TMEM17: variants seen among roughly 807,000 people sequenced by gnomAD.
The protein encoded by TMEM17 is transmembrane protein 17.
In TMEM17, 15 loss-of-function variants were observed where a neutral mutation model predicts 19.1. The ratio of observed to expected loss-of-function variants is 0.78; its 90% CI spans 0.52 to 1.21. TMEM17 has a LOEUF of 1.21. Among genes scored for constraint, TMEM17 ranks in the 50% most tolerant of loss-of-function variants. The pLI is 0.00. For missense variants in TMEM17, 245 were observed against 242.3 expected (o/e 1.01, Z -0.07); for synonymous variants, 103 against 86.9 (o/e 1.19, Z -1.03).
the TMEM17 span, among the ~76,000 whole-genome samples, chr2:62,471,045 C>G: frequency 6.6e-6 from 1 of 152,224 alleles, no homozygotes; most frequent in Non-Finnish European, 1.5e-5. Context: ...AGCTCAGCCT[C>G]TCTCCAGATG....
In TMEM17 at chr2:62,506,161, A is replaced by G; in HGVS notation, c.-32T>C. ...GCCTCAGTATCCCTCACCCCCTCAG[A>G]CACGGGCTAGTCTGCGGGCGCTCCG... On this transcript the variant is annotated 5_prime_UTR_variant, in exon 1 of 4. Coordinates refer to ENST00000335390, the MANE Select transcript of TMEM17 (RefSeq NM_198276.3). 3 of 1,570,172 alleles carry G rather than the reference A, an allele frequency of 1.9e-6. No individual in the cohort carries two copies. Among genetic ancestry groups the G allele is most frequent in the Non-Finnish European group, 2.6e-6 (3 of 1,157,446 alleles).
At chr2:62,473,693 G>A in the TMEM17 span, among the ~76,000 whole-genome samples, 1 of 152,206 alleles carries the variant, frequency 6.6e-6, no homozygotes, top group Non-Finnish European at 1.5e-5. Flanking sequence ...CAGCCATGCA[G>A]ATTTTCAGAC....
At chr2:62,486,566 A>T in the TMEM17 span, among the ~76,000 whole-genome samples, 1 of 152,176 alleles carries the variant, frequency 6.6e-6, no homozygotes, top group African/African-American at 2.4e-5. Flanking sequence ...GTTCCTGGGC[A>T]TTTGGCCCTA....
At chr2:62,483,948 C>T in the TMEM17 span, among the ~76,000 whole-genome samples, 1 of 152,228 alleles carries the variant, frequency 6.6e-6, no homozygotes, top group African/African-American at 2.4e-5. Context: ...CATCCAGTCA[C>T]CTCACAAGGA....
the TMEM17 span, among the ~76,000 whole-genome samples, chr2:62,481,503 T>G: frequency 6.6e-6 from 1 of 152,202 alleles, no homozygotes; most frequent in Non-Finnish European, 1.5e-5. Context: ...CATCCTTGTC[T>G]TGTTCTAGTT....
At chr2:62,453,787 A>C in the TMEM17 span, among the ~76,000 whole-genome samples, 1 of 152,214 alleles carries the variant, frequency 6.6e-6, no homozygotes, top group Non-Finnish European at 1.5e-5. Flanking sequence ...TAGAGGTCTT[A>C]AATATGGTTC....
chr2:62,498,736 TA>T (rs1206076760), downstream of TMEM17, among the ~76,000 whole-genome samples: 1 of 150,940 alleles, frequency 6.6e-6, no homozygotes, highest in African/African-American at 2.4e-5. Flanking sequence ...TAAAATAAAA[TA>T]AAATAAAATA....
chr2:62,487,700 A>G, the TMEM17 span, among the ~76,000 whole-genome samples: 7,419 of 152,316 alleles, frequency 0.049, 408 homozygotes, highest in African/African-American at 0.14. Context: ...CTCCAAGTTT[A>G]CTTTGTTTGT....
chr2:62,459,436 G>C, the TMEM17 span, among the ~76,000 whole-genome samples: 1 of 152,230 alleles, frequency 6.6e-6, no homozygotes, highest in Non-Finnish European at 1.5e-5. Flanking sequence ...TTGCTGCTCG[G>C]GCAGGGCCCA....
chr2:62,478,226 C>T, the TMEM17 span, among the ~76,000 whole-genome samples: 127 of 152,288 alleles, frequency 8.3e-4, no homozygotes, highest in Non-Finnish European at 1.3e-3. Flanking sequence ...GATGCCTTGA[C>T]GGAGCCACAG....
At chr2:62,458,742 C>T in the TMEM17 span, among the ~76,000 whole-genome samples, 2 of 152,172 alleles carry the variant, frequency 1.3e-5, no homozygotes, top group East Asian at 1.9e-4. Flanking sequence ...TCCTGGACAG[C>T]GTGCCCGTGT....
the TMEM17 span, among the ~76,000 whole-genome samples, chr2:62,471,591 C>T: frequency 1.3e-5 from 2 of 152,354 alleles, no homozygotes; most frequent in East Asian, 3.9e-4. Context: ...CTTTGTGTCT[C>T]AATCCCTAGT....
intron 3 of TMEM17, 97 bp from the exon 4 acceptor site, chr2:62,501,584 A>C: frequency 8.2e-7 from 1 of 1,214,670 alleles, no homozygotes; most frequent in Non-Finnish European, 1.1e-6. Context: ...AACCTACATT[A>C]TGGGCTCTGT....
chr2:62,479,683 C>T, the TMEM17 span, among the ~76,000 whole-genome samples: 308 of 151,996 alleles, frequency 2.0e-3, 1 homozygote, highest in East Asian at 0.015. Flanking sequence ...CCCAGGAGTT[C>T]GAGACCAGCC....
At chr2:62,494,375 C>T in the TMEM17 span, among the ~76,000 whole-genome samples, 1 of 152,032 alleles carries the variant, frequency 6.6e-6, no homozygotes, top group Admixed American at 6.6e-5. Flanking sequence ...TTAATAAGCT[C>T]TCATTCTTTT....
the TMEM17 span, among the ~76,000 whole-genome samples, chr2:62,475,232 C>T: frequency 2.0e-5 from 3 of 152,222 alleles, no homozygotes; most frequent in African/African-American, 7.2e-5. Context: ...ACAGACCCGG[C>T]AGGTCCTAGC....
chr2:62,501,536 C>A, intron 3 of TMEM17, 49 bp from the exon 4 acceptor site: 2 of 1,548,496 alleles, frequency 1.3e-6, no homozygotes, highest in Non-Finnish European at 1.7e-6. Context: ...AATACAGTTT[C>A]TGTTTATACA....
the TMEM17 span, among the ~76,000 whole-genome samples, chr2:62,459,795 T>C: frequency 6.6e-6 from 1 of 152,248 alleles, no homozygotes; most frequent in Admixed American, 6.5e-5. Flanking sequence ...GGGGACTTGC[T>C]ATGTTGCCCA....
chr2:62,473,232 A>G, the TMEM17 span, among the ~76,000 whole-genome samples: 1 of 152,220 alleles, frequency 6.6e-6, no homozygotes, highest in Non-Finnish European at 1.5e-5. Flanking sequence ...AGTAGGTACT[A>G]TTATTAACCC....
Sources: allele counts gnomAD v4.1 joint callset (sites outside exome capture counted in the v4.1 genomes callset), GRCh38; gene constraint gnomAD v4.1.1; transcripts MANE v1.5; gene names NCBI Gene and HGNC (gene_info 2026-07-23, HGNC 2026-07-21).